The following RNF2 variants were observed in gnomAD, a reference collection of about 807,000 sequenced individuals.
RNF2 encodes the protein E3 ubiquitin-protein ligase RING2.
A neutral mutation model predicts 37.2 loss-of-function variants in RNF2; 6 were observed. The observed-to-expected ratio is 0.16, with a 90% CI of 0.09 to 0.32. RNF2 has a LOEUF of 0.32. Ranked by LOEUF, RNF2 falls within the 10% of genes least tolerant of loss-of-function variation. RNF2 has a pLI of 1.00. For synonymous variants in RNF2, 133 were observed against 132.7 expected, an observed-to-expected ratio of 1.00 and a Z score of -0.02; for missense variants, 251 against 404.0, an observed-to-expected ratio of 0.62 and a Z score of 3.25.
chr1:185,083,552 G>C (rs1651491849), intron 1 of RNF2, among the ~76,000 whole-genome samples: 1 of 152,000 alleles, frequency 6.6e-6, no homozygotes, highest in Non-Finnish European at 1.5e-5. Context: ...GAACTCCTGG[G>C]CTCAAGCAGT....
At chr1:185,054,530 T>C (rs1650371495) in intron 1 of RNF2, among the ~76,000 whole-genome samples, 1 of 151,918 alleles carries the variant, frequency 6.6e-6, no homozygotes, top group Non-Finnish European at 1.5e-5. Flanking sequence ...TCTTCTCCAT[T>C]ACGAGCGCTC....
intron 1 of RNF2, among the ~76,000 whole-genome samples, chr1:185,058,532 A>C (rs1361364232): frequency 6.6e-6 from 1 of 152,190 alleles, no homozygotes; most frequent in East Asian, 1.9e-4. Flanking sequence ...AAACTGTAAA[A>C]AGTATTTGAA....
chr1:185,057,445 GT>G (rs969237457), intron 1 of RNF2, among the ~76,000 whole-genome samples: 3 of 151,904 alleles, frequency 2.0e-5, no homozygotes, highest in Non-Finnish European at 2.9e-5. Flanking sequence ...TCGTTTATAA[GT>G]TTTTTTTAAG....
intron 2 of RNF2, among the ~76,000 whole-genome samples, chr1:185,088,107 A>G (rs142779479): frequency 1.1e-4 from 17 of 152,350 alleles, no homozygotes; most frequent in East Asian, 5.8e-4. Flanking sequence ...AGAGATGCCA[A>G]CTATAGATGA....
At chr1:185,068,853 T>C (rs986848320) in intron 1 of RNF2, among the ~76,000 whole-genome samples, 1 of 152,234 alleles carries the variant, frequency 6.6e-6, no homozygotes, top group Non-Finnish European at 1.5e-5. Context: ...TATAGCTCAC[T>C]CATATTAAAC....
chr1:185,085,475 A>C (rs918629028), intron 1 of RNF2, among the ~76,000 whole-genome samples: 1 of 151,766 alleles, frequency 6.6e-6, no homozygotes, highest in Non-Finnish European at 1.5e-5. Context: ...TATATCATTT[A>C]GTGCTCTCTC....
At chr1:185,060,682 A>G (rs1396035457) in intron 1 of RNF2, among the ~76,000 whole-genome samples, 1 of 152,198 alleles carries the variant, frequency 6.6e-6, no homozygotes, top group African/African-American at 2.4e-5. Context: ...AATTGGATGA[A>G]TCAGTAGACT....
chr1:185,075,348 A>G (rs1177578368), intron 1 of RNF2, among the ~76,000 whole-genome samples: 1 of 152,056 alleles, frequency 6.6e-6, no homozygotes, highest in African/African-American at 2.4e-5. Flanking sequence ...GCTTGATTCA[A>G]CCATTTTCCA....
chr1:185,046,698 A>G (rs1446017540), intron 1 of RNF2, among the ~76,000 whole-genome samples: 1 of 152,228 alleles, frequency 6.6e-6, no homozygotes, highest in African/African-American at 2.4e-5. Flanking sequence ...GTATTTTAGT[A>G]ATACGCTGTT....
chr1:185,049,619 G>A (rs1258430084), intron 1 of RNF2, among the ~76,000 whole-genome samples: 3 of 145,884 alleles, frequency 2.1e-5, no homozygotes, highest in African/African-American at 7.5e-5. Flanking sequence ...GGAGACTTTA[G>A]TAAGAATTTC....
At chr1:185,072,844 G>A (rs1324025690) in intron 1 of RNF2, among the ~76,000 whole-genome samples, 2 of 152,096 alleles carry the variant, frequency 1.3e-5, no homozygotes, top group Non-Finnish European at 2.9e-5. Context: ...GGAGTCTGAG[G>A]CAGGAGAATC....
At chr1:185,053,752 G>C (rs143410698) in intron 1 of RNF2, among the ~76,000 whole-genome samples, 1 of 152,148 alleles carries the variant, frequency 6.6e-6, no homozygotes, top group African/African-American at 2.4e-5. Context: ...TGTGTGGTAC[G>C]TAATAGGCTC....
intron 1 of RNF2, among the ~76,000 whole-genome samples, chr1:185,075,986 G>A (rs893321398): frequency 3.3e-5 from 5 of 152,048 alleles, no homozygotes; most frequent in Admixed American, 6.6e-5. Context: ...TATTGGTTAT[G>A]TATTGTGTTA....
chr1:185,098,307 C>T lies in RNF2; in HGVS notation c.700C>T (p.Pro234Ser), dbSNP rs1453322549. Residue 234 changes from proline (P) to serine (S), a missense_variant, in exon 5 of 7, where the codon CCC becomes TCC. This residue lies in a region of RNF2 where 94 missense variants were observed against 99.2 expected (regional missense o/e 0.95). Coordinates refer to ENST00000367510, the MANE Select transcript of RNF2 (RefSeq NM_007212.4). ...AATTGAATTAGTATTCAGGCCTCATCCCACACTTATGGAAAAAGATGACAG... is the reference window on the plus strand; with the variant it reads ...AATTGAATTAGTATTCAGGCCTCATTCCACACTTATGGAAAAAGATGACAG... ...SEIELVFRPH[P>S]TLMEKDDSAQ... The T allele has an allele frequency of 6.2e-7, 1 of 1,614,106 alleles. No homozygotes were observed. Among genetic ancestry groups the T allele is most frequent in the Non-Finnish European group, 8.5e-7 (1 of 1,180,016 alleles).
At position 185,099,140 on chromosome 1, in the gene RNF2, C is replaced by T. The variant is rs192463935; in HGVS notation, c.738-651C>T. Among the ~76,000 whole-genome samples, 14 of 151,532 alleles carry T rather than the reference C, an allele frequency of 9.2e-5. No individual in the cohort carries two copies. The East Asian group carries it at 2.5e-3, about 27-fold the overall frequency. On this transcript the variant is annotated intron_variant, in intron 5 of 6. Transcript: ENST00000367510. ...AATCTTGGCTGACTGCAACCTTTGCCTCCCGAGTTCAAGCGATTCTCCTGC... is the reference window on the plus strand; with the variant it reads ...AATCTTGGCTGACTGCAACCTTTGCTTCCCGAGTTCAAGCGATTCTCCTGC...
At chr1:185,088,988 A>G (rs1651685675) in intron 2 of RNF2, among the ~76,000 whole-genome samples, 1 of 134,492 alleles carries the variant, frequency 7.4e-6, no homozygotes, top group Non-Finnish European at 1.5e-5. Flanking sequence ...TAATTTAGAG[A>G]TGATTTAAAG....
At position 185,101,616 on chromosome 1, in the gene RNF2, A is replaced by C. The variant is rs987052704; in HGVS notation, c.*1315A>C. ...ACAGTATTTAAAAAGACATGTTTGC[A>C]TTGAGAAATTAACCCTAAAGGGTTT... On this transcript the variant is annotated 3_prime_UTR_variant, in exon 7 of 7. Coordinates refer to ENST00000367510, the MANE Select transcript of RNF2 (RefSeq NM_007212.4). The C allele has an allele frequency of 1.3e-5, 2 of 152,450 alleles. No individual in the cohort carries two copies. The highest frequency in any genetic ancestry group is 4.8e-5 in the African/African-American group (2 of 41,450). The allele number at this position is 152,450 out of a possible 1,614,324, so 9.4% of individuals were successfully genotyped here.
chr1:185,077,967 CG>C (rs1244104844), intron 1 of RNF2, among the ~76,000 whole-genome samples: 2 of 152,144 alleles, frequency 1.3e-5, no homozygotes, highest in Non-Finnish European at 2.9e-5. Context: ...AGTAAGGGGC[CG>C]GGCGTGGTGG....
At chr1:185,059,539 A>G (rs1650539019) in intron 1 of RNF2, among the ~76,000 whole-genome samples, 1 of 152,160 alleles carries the variant, frequency 6.6e-6, no homozygotes, top group Non-Finnish European at 1.5e-5. Flanking sequence ...GTCATTACAT[A>G]TGGTATTAAT....
Sources: gnomAD v4.1 joint callset for allele counts (sites outside exome capture counted in the v4.1 genomes callset) on GRCh38, gnomAD v4.1.1 for gene constraint, gnomAD v4.1.1 regional missense constraint, MANE v1.5 for transcripts, NCBI Gene and HGNC (gene_info 2026-07-23, HGNC 2026-07-21) for gene names.